CYP3A43: variants seen among roughly 807,000 people sequenced by gnomAD.
CYP3A43 encodes cytochrome P450 3A43.
Under a neutral mutation model 58.0 loss-of-function variants are expected in CYP3A43, and 45 were observed. That is an observed-to-expected ratio of 0.78 (90% CI 0.61 to 0.99). CYP3A43 has a LOEUF of 0.99. Ranked by LOEUF, CYP3A43 falls within the 50% of genes least tolerant of loss-of-function variation. CYP3A43 has a pLI of 0.00. For missense variants in CYP3A43, 593 were observed against 591.9 expected (o/e 1.00, Z -0.02); for synonymous variants, 191 against 201.4 (o/e 0.95, Z 0.44).
chr7:99,842,172 A>G (rs1195483654), intron 3 of CYP3A43, among the ~76,000 whole-genome samples: 1 of 152,174 alleles, frequency 6.6e-6, no homozygotes, highest in South Asian at 2.1e-4. Flanking sequence ...TTTTCTGCCA[A>G]ACTAACTCTG....
chr7:99,860,900 G>A (rs1430778094), intron 10 of CYP3A43, among the ~76,000 whole-genome samples: 1 of 151,692 alleles, frequency 6.6e-6, no homozygotes, highest in African/African-American at 2.4e-5. Flanking sequence ...TTTGCATGGA[G>A]TCTTGCTTCG....
chr7:99,828,672 T>A (rs552761053), intron 1 of CYP3A43, among the ~76,000 whole-genome samples: 2 of 151,676 alleles, frequency 1.3e-5, no homozygotes, highest in East Asian at 3.9e-4. Flanking sequence ...AAAAAAAAAA[T>A]AAAACTTTGT....
At chr7:99,862,695 G>T (rs187082071) in intron 11 of CYP3A43, among the ~76,000 whole-genome samples, 1 of 152,308 alleles carries the variant, frequency 6.6e-6, no homozygotes, top group East Asian at 1.9e-4. Context: ...TGGCTGGTGA[G>T]GCCTGGGATC....
chr7:99,838,588 C>A, intron 2 of CYP3A43: 1 of 1,049,702 alleles, frequency 9.5e-7, no homozygotes, highest in Non-Finnish European at 1.3e-6. Flanking sequence ...GTAAGTCATT[C>A]AATATCTACA....
intron 4 of CYP3A43, among the ~76,000 whole-genome samples, chr7:99,844,840 G>A (rs1817479940): frequency 6.6e-6 from 1 of 152,132 alleles, no homozygotes; most frequent in South Asian, 2.1e-4. Context: ...GGAGGCCGAG[G>A]TGGGTGGATC....
intron 1 of CYP3A43, among the ~76,000 whole-genome samples, chr7:99,833,725 A>G (rs913665771): frequency 6.6e-6 from 1 of 152,048 alleles, no homozygotes; most frequent in African/African-American, 2.4e-5. Context: ...ACTATTTGCC[A>G]CCTCCTCGCG....
At chr7:99,831,655 T>C (rs969747473) in intron 1 of CYP3A43, among the ~76,000 whole-genome samples, 9 of 152,090 alleles carry the variant, frequency 5.9e-5, no homozygotes, top group Admixed American at 3.9e-4. Context: ...CCATCAAAGA[T>C]GAGTTGCAGG....
intron 3 of CYP3A43, among the ~76,000 whole-genome samples, chr7:99,843,575 C>G (rs969306944): frequency 2.6e-5 from 4 of 152,032 alleles, no homozygotes; most frequent in African/African-American, 9.7e-5. Flanking sequence ...AAGTGATTCT[C>G]CTGCCCTGGC....
chr7:99,836,489 G>C lies in CYP3A43; in HGVS notation c.108G>C (p.Leu36=). The part of the protein sequence containing the change: ...GTHSHKLFKK[L]GIPGPTPLPF... ...ATTCACATAAACTTTTTAAGAAGCT[G>C]GGAATTCCTGGGCCAACCCCTCTGC... The change falls in exon 2 of 13, where the codon CTG becomes CTC. Residue 36 remains leucine, a synonymous_variant. Transcript: ENST00000354829. 6.2e-7 allele frequency: 1 copy of C among 1,610,442 alleles called. No individual in the cohort carries two copies. Among genetic ancestry groups the C allele is most frequent in the Non-Finnish European group, 8.5e-7 (1 of 1,179,148 alleles).
chr7:99,844,235 A>G lies in CYP3A43; in HGVS notation c.311A>G (p.Asn104Ser). 1 of 1,613,312 alleles carries G rather than the reference A, an allele frequency of 6.2e-7. No individual in the cohort carries two copies. Among genetic ancestry groups the G allele is most frequent in the Non-Finnish European group, 8.5e-7 (1 of 1,179,752 alleles). ...LVKECYSVFT[N>S]QMPLGPMGFL... ...AAAGAATGTTACTCTGTCTTCACAA[A>G]CCAGATGGTAGGCCTATATTTTCAA... Residue 104 changes from asparagine to serine, a missense_variant, in exon 4 of 13, where the codon AAC becomes AGC. Physicochemically the swap from Asn to Ser is conservative, Grantham distance 46 (BLOSUM62 1). Coordinates refer to ENST00000354829, the MANE Select transcript of CYP3A43 (RefSeq NM_057095.3).
At chr7:99,858,464 T>C (rs1422908622) in intron 9 of CYP3A43, among the ~76,000 whole-genome samples, 2 of 151,928 alleles carry the variant, frequency 1.3e-5, no homozygotes, top group Admixed American at 1.3e-4. Flanking sequence ...TTGGGAGAAA[T>C]ATCAAGAGGG....
Position 99,828,127 on chromosome 7 carries a change from T to G in CYP3A43, c.12T>G (p.Ile4Met), listed in dbSNP as rs775764854. MDL[I>M]PNFAMETWVL... is the part of the protein sequence containing the mutation. ...AAAGAAAACTGGTGATGGATCTCAT[T>G]CCAAACTTTGCCATGGAAACATGGG... The change falls in exon 1 of 13, where the codon ATT becomes ATG. Residue 4 changes from isoleucine (I) to methionine (M), a missense_variant. Ile to Met is a conservative substitution (Grantham distance 10). Coordinates refer to ENST00000354829, the MANE Select transcript of CYP3A43 (RefSeq NM_057095.3). 6.2e-7 allele frequency: 1 copy of G among 1,613,142 alleles called. No individual in the cohort carries two copies. Among genetic ancestry groups the G allele is most frequent in the South Asian group, 1.1e-5 (1 of 90,878 alleles).
At chr7:99,836,686 C>A in intron 2 of CYP3A43, 140 bp downstream of exon 2, 1 of 635,882 alleles carries the variant, frequency 1.6e-6, no homozygotes, top group South Asian at 2.3e-5. Context: ...CCACCCAGAG[C>A]AGGGCCAGGT....
At chr7:99,864,285 G>T (rs1584245171) in intron 12 of CYP3A43, among the ~76,000 whole-genome samples, 1 of 148,910 alleles carries the variant, frequency 6.7e-6, no homozygotes, top group South Asian at 2.1e-4. Flanking sequence ...ATTTCTGCCA[G>T]ATAGAAAAGA....
intron 6 of CYP3A43, among the ~76,000 whole-genome samples, chr7:99,848,717 A>G (rs1203658875): frequency 6.6e-6 from 1 of 152,094 alleles, no homozygotes; most frequent in African/African-American, 2.4e-5. Context: ...GAAATATTAA[A>G]CCTTCCCACC....
At chr7:99,857,105 T>C (rs924664239) in intron 9 of CYP3A43, among the ~76,000 whole-genome samples, 4 of 152,188 alleles carry the variant, frequency 2.6e-5, no homozygotes, top group African/African-American at 9.7e-5. Flanking sequence ...AGGGCAACCC[T>C]GAACAAGTGT....
At chr7:99,851,984 C>T (rs377077504) in intron 7 of CYP3A43, among the ~76,000 whole-genome samples, 9 of 152,214 alleles carry the variant, frequency 5.9e-5, no homozygotes, top group South Asian at 4.1e-4. Context: ...TTTTATATGC[C>T]GTGTGACGTA....
intron 1 of CYP3A43, among the ~76,000 whole-genome samples, chr7:99,829,429 T>C (rs992126168): frequency 6.6e-6 from 1 of 152,178 alleles, no homozygotes; most frequent in Non-Finnish European, 1.5e-5. Context: ...AGATATCAAA[T>C]ACATTTAAGA....
Position 99,854,268 on chromosome 7 carries a change from G to A in CYP3A43, c.671-1323G>A, listed in dbSNP as rs538438957. 5.1e-4 allele frequency among the ~76,000 whole-genome samples: 76 copies of A among 148,236 alleles called. No individual in the cohort carries two copies. The South Asian group carries it at 6.6e-3, about 13-fold the overall frequency. ...TGAGACAGAGTCTCAAAAAAGTTGC[G>A]TGATCTAGGCTCACTGAAACCTCTG... On this transcript the variant is annotated intron_variant, in intron 7 of 12. Coordinates refer to ENST00000354829, the MANE Select transcript of CYP3A43 (RefSeq NM_057095.3).
Sources: gnomAD v4.1 joint callset for allele counts (sites outside exome capture counted in the v4.1 genomes callset) on GRCh38, gnomAD v4.1.1 for gene constraint, MANE v1.5 for transcripts, NCBI Gene and HGNC (gene_info 2026-07-23, HGNC 2026-07-21) for gene names.